Variants in KALRN observed in about 807,000 individuals in gnomAD.
KALRN encodes the protein kalirin.
KALRN carries 70 observed loss-of-function variants against 353.7 expected under a neutral mutation model. The observed-to-expected ratio is 0.20, with a 90% CI of 0.16 to 0.24. KALRN has a LOEUF of 0.24. Among genes scored for constraint, KALRN ranks in the 10% least tolerant of loss-of-function variants. The pLI is 1.00. For synonymous variants in KALRN, 1,391 were observed against 1,434.8 expected (o/e 0.97, Z 0.69); for missense variants, 2,791 against 3,756.7 (o/e 0.74, Z 6.72).
chr3:124,537,966 A>T (rs1395884881), intron 33 of KALRN, among the ~76,000 whole-genome samples: 2 of 152,240 alleles, frequency 1.3e-5, no homozygotes, highest in Non-Finnish European at 2.9e-5. Context: ...AGAGGATAAT[A>T]TGGTAAGGAA....
intron 5 of KALRN, among the ~76,000 whole-genome samples, chr3:124,271,657 C>T (rs896811843): frequency 6.6e-6 from 1 of 152,204 alleles, no homozygotes; most frequent in African/African-American, 2.4e-5. Context: ...TATCCAATAA[C>T]CCTGCTGTCC....
At position 124,538,292 on chromosome 3, in the gene KALRN, G is replaced by A. The variant is rs144939380; in HGVS notation, c.4936-24551G>A. On this transcript the variant is annotated intron_variant, in intron 33 of 59. Coordinates refer to ENST00000682506, the MANE Select transcript of KALRN (RefSeq NM_001388419.1). Reference sequence around the variant, plus strand: ...TGTGTGTGTGTATGTATGTGTGTGTGAGAGACAGAGAAACAGAGGCAGAGA... The same window carrying A: ...TGTGTGTGTGTATGTATGTGTGTGTAAGAGACAGAGAAACAGAGGCAGAGA... 4.8e-3 allele frequency among the ~76,000 whole-genome samples: 728 copies of A among 152,148 alleles called. 6 individuals carry two copies. The highest frequency in any genetic ancestry group is 5.5e-3 in the Non-Finnish European group (371 of 67,996).
At chr3:124,449,095 A>T (rs1475266263) in intron 21 of KALRN, among the ~76,000 whole-genome samples, 1 of 152,198 alleles carries the variant, frequency 6.6e-6, no homozygotes, top group African/African-American at 2.4e-5. Context: ...CCCTAATCCC[A>T]CTTTCCAGAG....
chr3:124,563,178 T>A, intron 34 of KALRN, 89 bp downstream of exon 34: 2 of 1,267,024 alleles, frequency 1.6e-6, no homozygotes, highest in Non-Finnish European at 2.1e-6. Context: ...GGAAGTGACC[T>A]GTCTCACAGA....
At chr3:124,412,236 C>A (rs1295035535) in intron 13 of KALRN, among the ~76,000 whole-genome samples, 3 of 152,134 alleles carry the variant, frequency 2.0e-5, no homozygotes, top group Non-Finnish European at 4.4e-5. Flanking sequence ...GTCCCTGATG[C>A]TCCTGGAGCA....
chr3:124,314,572 C>T (rs967711281), intron 6 of KALRN, among the ~76,000 whole-genome samples: 2 of 152,086 alleles, frequency 1.3e-5, no homozygotes, highest in Admixed American at 6.5e-5. Flanking sequence ...ACAGGTCATA[C>T]AAGGAGCATG....
intron 3 of KALRN, among the ~76,000 whole-genome samples, chr3:124,256,319 T>G (rs2071970763): frequency 6.6e-6 from 1 of 152,182 alleles, no homozygotes; most frequent in Non-Finnish European, 1.5e-5. Context: ...GGTACCCTAA[T>G]TGCCCCCTGC....
chr3:124,614,357 C>A, intron 34 of KALRN, among the ~76,000 whole-genome samples: 1 of 151,754 alleles, frequency 6.6e-6, no homozygotes, highest in East Asian at 1.9e-4. Context: ...CAGCCTCGAC[C>A]TTCCGGGCTC....
chr3:124,402,832 G>A (rs1248374606), intron 13 of KALRN, among the ~76,000 whole-genome samples: 2 of 151,886 alleles, frequency 1.3e-5, no homozygotes, highest in Non-Finnish European at 2.9e-5. Context: ...ATTATTTTTT[G>A]CCTGGTTTCT....
At chr3:124,162,367 G>A (rs552590771) in intron 1 of KALRN, 1 of 152,166 alleles carries the variant, frequency 6.6e-6, no homozygotes, top group African/African-American at 2.4e-5. Flanking sequence ...GTGGGAGTTG[G>A]AAGGAACTTG....
At chr3:124,102,569 C>A (rs888393415) in intron 1 of KALRN, among the ~76,000 whole-genome samples, 1 of 152,148 alleles carries the variant, frequency 6.6e-6, no homozygotes, top group Admixed American at 6.5e-5. Context: ...CTTGAAGGAG[C>A]TAATATGTGT....
At chr3:124,438,641 A>G (rs2093562129) in intron 17 of KALRN, among the ~76,000 whole-genome samples, 1 of 149,556 alleles carries the variant, frequency 6.7e-6, no homozygotes, top group Non-Finnish European at 1.5e-5. Context: ...TACTTTACCT[A>G]CTATTCCTAG....
chr3:124,179,714 G>A (rs56955768), intron 1 of KALRN, among the ~76,000 whole-genome samples: 5,092 of 152,248 alleles, frequency 0.033, 258 homozygotes, highest in African/African-American at 0.11. Flanking sequence ...TCACTAGGTG[G>A]TAGGAGTTTT....
chr3:124,534,422 A>G (rs1277216948), intron 33 of KALRN, among the ~76,000 whole-genome samples: 1 of 152,184 alleles, frequency 6.6e-6, no homozygotes, highest in Admixed American at 6.5e-5. Flanking sequence ...TAGTTAATGC[A>G]CAGAGGGCTT....
chr3:124,308,901 C>T (rs6797783), intron 6 of KALRN, among the ~76,000 whole-genome samples: 31,095 of 151,608 alleles, frequency 0.21, 3,282 homozygotes, highest in South Asian at 0.29. Flanking sequence ...GTCAACCAAA[C>T]TTACAAACCT....
Position 124,230,575 on chromosome 3 carries a change from G to A in KALRN, c.148+2511G>A, listed in dbSNP as rs147001103. Reference sequence around the variant, plus strand: ...TCCTAATGGAGCTCATAGAAGCAACGTGGCCAGGAAGGCAGTCAGGAATGA... The same window carrying A: ...TCCTAATGGAGCTCATAGAAGCAACATGGCCAGGAAGGCAGTCAGGAATGA... On this transcript the variant is annotated intron_variant, in intron 2 of 59. Coordinates refer to ENST00000682506, the MANE Select transcript of KALRN (RefSeq NM_001388419.1). 9.9e-5 allele frequency among the ~76,000 whole-genome samples: 15 copies of A among 152,236 alleles called. No homozygotes were observed. In the East Asian group the frequency reaches 1.9e-3, roughly 20 times the overall value.
chr3:124,605,312 TGTAATCCC>T (rs2077221162), intron 34 of KALRN, among the ~76,000 whole-genome samples: 1 of 151,916 alleles, frequency 6.6e-6, no homozygotes, highest in Non-Finnish European at 1.5e-5. Context: ...GGCTCATGCC[TGTAATCCC>T]AGCACTTTGG....
chr3:124,142,007 T>C (rs1309721778), intron 1 of KALRN, among the ~76,000 whole-genome samples: 1 of 152,194 alleles, frequency 6.6e-6, no homozygotes, highest in Non-Finnish European at 1.5e-5. Flanking sequence ...ATGGGGAAAC[T>C]ATTCTTTATC....
At position 124,724,911 on chromosome 3, in the gene KALRN, G is replaced by A. The variant is rs1239470460; in HGVS notation, c.*5441G>A. On this transcript the variant is annotated 3_prime_UTR_variant, in exon 60 of 60. Coordinates refer to ENST00000682506, the MANE Select transcript of KALRN (RefSeq NM_001388419.1). ...TCTGTGAGAAATGTGCCCCTTTGCT[G>A]TGAGATTCTAAAATGTGTTCAGATT... The A allele has an allele frequency of 1.3e-5, 2 of 152,204 alleles. No individual in the cohort carries two copies. Among genetic ancestry groups the A allele is most frequent in the Non-Finnish European group, 2.9e-5 (2 of 68,030 alleles). The allele number at this position is 152,204 out of a possible 1,614,324, so 9.4% of individuals were successfully genotyped here. A position where few individuals can be genotyped will look rare whatever the true frequency, so the allele number is the denominator to read the frequency against.
Sources: gnomAD v4.1 joint callset for allele counts (sites outside exome capture counted in the v4.1 genomes callset) on GRCh38, gnomAD v4.1.1 for gene constraint, MANE v1.5 for transcripts, NCBI Gene and HGNC (gene_info 2026-07-23, HGNC 2026-07-21) for gene names.